Variants in ANKRD6 observed in about 807,000 individuals in gnomAD.
ANKRD6 encodes ankyrin repeat domain-containing protein 6.
ANKRD6 carries 56 observed loss-of-function variants against 82.3 expected under a neutral mutation model. That is an observed-to-expected ratio of 0.68 (90% confidence interval 0.55 to 0.85). ANKRD6 has a LOEUF of 0.85. ANKRD6 is among the 40% of genes least tolerant of loss of function. The pLI is 0.00. For missense variants in ANKRD6, 852 were observed against 907.6 expected (o/e 0.94, Z 0.79); for synonymous variants, 347 against 352.1 (o/e 0.99, Z 0.16).
intron 1 of ANKRD6, among the ~76,000 whole-genome samples, chr6:89,560,135 T>C (rs1428345604): frequency 1.3e-5 from 2 of 152,182 alleles, no homozygotes; most frequent in African/African-American, 2.4e-5. Flanking sequence ...ACAGCAATTA[T>C]GCTTGAGCTA....
intron 1 of ANKRD6, among the ~76,000 whole-genome samples, chr6:89,464,203 A>G (rs1444952412): frequency 6.6e-6 from 1 of 152,112 alleles, no homozygotes; most frequent in Admixed American, 6.6e-5. Flanking sequence ...TAGTGGTGAT[A>G]TTTTATCTAG....
At chr6:89,510,677 A>G (rs1474445046) in intron 1 of ANKRD6, among the ~76,000 whole-genome samples, 1 of 152,144 alleles carries the variant, frequency 6.6e-6, no homozygotes, top group Admixed American at 6.5e-5. Flanking sequence ...ACTTATTAGC[A>G]GTGACTCCTA....
Position 89,487,399 on chromosome 6 carries a change from T to C in ANKRD6, c.-144+54024T>C, listed in dbSNP as rs368105982. Reference sequence around the variant, plus strand: ...TATTACTTTAGGATCATTTTTAAAATGTGGAATTTCTGAGCCAAAGAACAA... The same window carrying C: ...TATTACTTTAGGATCATTTTTAAAACGTGGAATTTCTGAGCCAAAGAACAA... On this transcript the variant is annotated intron_variant, in intron 1 of 15. Transcript: ENST00000339746. Among the ~76,000 whole-genome samples the C allele has an allele frequency of 4.6e-5, 7 of 152,338 alleles. No individual in the cohort carries two copies. In the South Asian group the frequency reaches 1.4e-3, roughly 32 times the overall value.
At chr6:89,595,305 G>C (rs980536405) in intron 2 of ANKRD6, among the ~76,000 whole-genome samples, 12 of 152,206 alleles carry the variant, frequency 7.9e-5, no homozygotes, top group African/African-American at 2.7e-4. Flanking sequence ...CCTGGCATTA[G>C]CCTGGGTGCC....
intron 7 of ANKRD6, among the ~76,000 whole-genome samples, chr6:89,614,838 G>GA (rs5878102): frequency 0.68 from 88,304 of 130,268 alleles, 28,965 homozygotes; most frequent in East Asian, 0.89. Flanking sequence ...CTCTTTAAAG[G>GA]AAAAAAAAAA....
chr6:89,583,841 C>G (rs1793130512), intron 2 of ANKRD6, among the ~76,000 whole-genome samples: 1 of 152,344 alleles, frequency 6.6e-6, no homozygotes, highest in Admixed American at 6.5e-5. Context: ...AAGGCAGGCC[C>G]TGTTTGCCCC....
At position 89,490,161 on chromosome 6, in the gene ANKRD6, C is replaced by T. The variant is rs1051255068; in HGVS notation, c.-144+56786C>T. 8.5e-5 allele frequency among the ~76,000 whole-genome samples: 13 copies of T among 152,196 alleles called. 1 individual carries two copies. The highest frequency in any genetic ancestry group is 6.5e-4 in the Admixed American group (10 of 15,278). ...CAGATTAATCCAGTTCAATTGCATG[C>T]GCATTTGCTTTTCTAGTTGTTGGTC... On this transcript the variant is annotated intron_variant, in intron 1 of 15. Coordinates refer to ENST00000339746, the MANE Select transcript of ANKRD6 (RefSeq NM_001242809.2).
intron 2 of ANKRD6, among the ~76,000 whole-genome samples, chr6:89,587,270 C>A (rs1277528653): frequency 2.6e-5 from 4 of 151,364 alleles, no homozygotes; most frequent in East Asian, 1.9e-4. Flanking sequence ...GCAGGCAGAT[C>A]ATGAGGTCAA....
At chr6:89,515,393 A>G (rs1223147517) in intron 1 of ANKRD6, among the ~76,000 whole-genome samples, 1 of 152,218 alleles carries the variant, frequency 6.6e-6, no homozygotes, top group Non-Finnish European at 1.5e-5. Context: ...ATGATCTTGA[A>G]TACTTAGGTT....
chr6:89,461,096 T>C (rs1313600036), intron 1 of ANKRD6, among the ~76,000 whole-genome samples: 1 of 152,086 alleles, frequency 6.6e-6, no homozygotes. Context: ...GTTTTTTTGG[T>C]AGAGACAGGG....
At chr6:89,564,067 G>A (rs1000013792) in intron 1 of ANKRD6, among the ~76,000 whole-genome samples, 1 of 152,206 alleles carries the variant, frequency 6.6e-6, no homozygotes, top group Non-Finnish European at 1.5e-5. Flanking sequence ...GTAAGGAGGC[G>A]ATTACTGGGC....
intron 1 of ANKRD6, among the ~76,000 whole-genome samples, chr6:89,538,949 A>G (rs1257097390): frequency 6.6e-6 from 1 of 152,196 alleles, no homozygotes; most frequent in East Asian, 1.9e-4. Flanking sequence ...CTTATGACAT[A>G]TTCCATAATT....
intron 14 of ANKRD6, among the ~76,000 whole-genome samples, chr6:89,628,498 A>G (rs1049037901): frequency 2.0e-5 from 3 of 152,212 alleles, no homozygotes; most frequent in Non-Finnish European, 2.9e-5. Flanking sequence ...GGATGGGCGC[A>G]GTGGCTCACG....
At position 89,459,116 on chromosome 6, in the gene ANKRD6, T is replaced by G. The variant is rs550858783; in HGVS notation, c.-144+25741T>G. Among the ~76,000 whole-genome samples, 55 of 152,342 alleles carry G rather than the reference T, an allele frequency of 3.6e-4. No homozygotes were observed. The South Asian group carries it at 0.011, about 31-fold the overall frequency. Reference sequence around the variant, plus strand: ...AAATTGAGACGGAGTTTCACTCTTGTTGCCCAGGCTGGAGTGCAATGATGT... The same window carrying G: ...AAATTGAGACGGAGTTTCACTCTTGGTGCCCAGGCTGGAGTGCAATGATGT... On this transcript the variant is annotated intron_variant, in intron 1 of 15. Coordinates refer to ENST00000339746, the MANE Select transcript of ANKRD6 (RefSeq NM_001242809.2).
At chr6:89,621,216 T>C (rs1353123800) in intron 9 of ANKRD6, 2 of 152,240 alleles carry the variant, frequency 1.3e-5, no homozygotes, top group African/African-American at 4.8e-5. Context: ...GACCCGTTTT[T>C]ACATTTGAGA....
At chr6:89,574,422 C>T (rs1212077352) in intron 2 of ANKRD6, among the ~76,000 whole-genome samples, 1 of 152,182 alleles carries the variant, frequency 6.6e-6, no homozygotes, top group Non-Finnish European at 1.5e-5. Context: ...TATTTCCTCA[C>T]AAACCTTAGA....
rs551974591 is a variant in ANKRD6, at chr6:89,618,379, C to A, written c.792+348C>A. ...TGCAGAGTTTAGGCCAAATGCCCAT[C>A]CCTGAAGAAGTGGGACAGGGACTTT... On this transcript the variant is annotated intron_variant, in intron 9 of 15. Transcript: ENST00000339746. 2.2e-4 allele frequency: 131 copies of A among 591,254 alleles called. 2 individuals are homozygous for A. The South Asian group carries it at 2.5e-3, about 11-fold the overall frequency. The allele number at this position is 591,254 out of a possible 1,614,324, so 36.6% of individuals were successfully genotyped here.
intron 2 of ANKRD6, among the ~76,000 whole-genome samples, chr6:89,575,181 A>G (rs1434820428): frequency 6.6e-6 from 1 of 152,200 alleles, no homozygotes; most frequent in Non-Finnish European, 1.5e-5. Context: ...ACTAGGTCAG[A>G]TAATTTCTTT....
intron 15 of ANKRD6, among the ~76,000 whole-genome samples, chr6:89,629,748 T>C (rs1409503056): frequency 1.3e-5 from 2 of 152,240 alleles, no homozygotes; most frequent in Non-Finnish European, 2.9e-5. Flanking sequence ...ACAGTGATTA[T>C]ACTCAATAAT....
Sources: gnomAD v4.1 joint callset for allele counts (sites outside exome capture counted in the v4.1 genomes callset) on GRCh38, gnomAD v4.1.1 for gene constraint, MANE v1.5 for transcripts, NCBI Gene and HGNC (gene_info 2026-07-23, HGNC 2026-07-21) for gene names.